The following LAMC3 variants were observed in gnomAD, a reference collection of about 807,000 sequenced individuals.
The protein encoded by LAMC3 is laminin subunit gamma 3, also known as laminin subunit gamma-3.
Under a neutral mutation model 173.8 loss-of-function variants are expected in LAMC3, and 128 were observed. The observed-to-expected ratio is 0.74, with a 90% CI of 0.64 to 0.85. The LOEUF (loss-of-function observed/expected upper bound fraction) is 0.85, where lower values mean the gene tolerates loss of function less well. Among genes scored for constraint, LAMC3 ranks in the 40% least tolerant of loss-of-function variants. The probability of loss-of-function intolerance (pLI) is 0.00; values close to 1 mark genes in which losing one functional copy is unlikely to be tolerated. For synonymous variants in LAMC3, 897 were observed against 909.1 expected, an observed-to-expected ratio of 0.99 and a Z score of 0.24; for missense variants, 2,022 against 2,156.0, an observed-to-expected ratio of 0.94 and a Z score of 1.23.
intron 1 of LAMC3, among the ~76,000 whole-genome samples, chr9:131,014,594 T>C (rs757047850): frequency 4.6e-5 from 7 of 152,240 alleles, no homozygotes; most frequent in African/African-American, 1.2e-4. Flanking sequence ...TTTTCACACC[T>C]GTGCCCCAGT....
chr9:131,048,466 C>T (rs1453282120), intron 8 of LAMC3, among the ~76,000 whole-genome samples: 1 of 152,176 alleles, frequency 6.6e-6, no homozygotes, highest in African/African-American at 2.4e-5. Flanking sequence ...TTGGCTGCCC[C>T]AGGTATTTGG....
At chr9:131,071,210 C>G (rs1830030590) in intron 17 of LAMC3, among the ~76,000 whole-genome samples, 1 of 152,192 alleles carries the variant, frequency 6.6e-6, no homozygotes, top group African/African-American at 2.4e-5. Context: ...TGGGGCATCC[C>G]TCCCCATCCC....
intron 12 of LAMC3, among the ~76,000 whole-genome samples, chr9:131,058,996 A>C (rs1829749592): frequency 6.7e-6 from 1 of 149,172 alleles, no homozygotes; most frequent in Non-Finnish European, 1.5e-5. Context: ...TTGGGGGTTC[A>C]AGACCAGCGT....
rs1833379987 is a variant in LAMC3, at chr9:131,009,826, G to C, written c.373+239G>C. Among the ~76,000 whole-genome samples, 1 of 151,998 alleles carries C rather than the reference G, an allele frequency of 6.6e-6. No homozygotes were observed. The highest frequency in any genetic ancestry group is 2.1e-4 in the South Asian group (1 of 4,816). On this transcript the variant is annotated intron_variant, in intron 1 of 27. Coordinates refer to ENST00000361069, the MANE Select transcript of LAMC3 (RefSeq NM_006059.4). This position sits in a 1 kb window ranked among gnomAD's most constrained non-coding sequence, Gnocchi z 4.3. ...GAGCCCAGGAGTTCAAGATCAGCCT[G>C]GGCAACGTAGTGAGATCCCATCTTT... is the stretch of plus-strand genomic sequence containing the variant.
At chr9:131,036,950 C>A (rs1218889144) in intron 4 of LAMC3, among the ~76,000 whole-genome samples, 2 of 152,268 alleles carry the variant, frequency 1.3e-5, no homozygotes, top group Non-Finnish European at 2.9e-5. Context: ...GGCCAGATCC[C>A]AGCTGGTGCT....
intron 12 of LAMC3, among the ~76,000 whole-genome samples, chr9:131,059,360 C>T (rs1306964226): frequency 1.7e-4 from 25 of 146,902 alleles, no homozygotes; most frequent in Non-Finnish European, 2.5e-4. Context: ...GGCGTGGTGG[C>T]GGGTGCCTGT....
chr9:131,077,360 G>A lies in LAMC3; in HGVS notation c.3777+26G>A, dbSNP rs200075046. On this transcript the variant is annotated intron_variant, in intron 22 of 27. Coordinates refer to ENST00000361069, the MANE Select transcript of LAMC3 (RefSeq NM_006059.4). Reference sequence around the variant, plus strand: ...GTCAGCTCAGTTGTCTCAGAGCTCCGTGTGGGGTCGGGAGGATCTATTATA... The same window carrying A: ...GTCAGCTCAGTTGTCTCAGAGCTCCATGTGGGGTCGGGAGGATCTATTATA... The A allele has an allele frequency of 5.3e-5, 86 of 1,612,326 alleles. No homozygotes were observed. The East Asian group carries it at 6.9e-4, about 13-fold the overall frequency.
Position 131,061,155 on chromosome 9 carries a change from AGTCGG to A in LAMC3, c.2280_2284del (p.Gln760HisfsTer26). 1.2e-6 allele frequency: 2 copies of A among 1,613,048 alleles called. No homozygotes were observed. The highest frequency in any genetic ancestry group is 1.7e-6 in the Non-Finnish European group (2 of 1,179,946). ...TGCCAGCCCTGTCCCTGCCCTGGCC[AGTCGG>A]CCTGTACGACCATCCCAGAGAGCCG... On this transcript the variant is annotated frameshift_variant, in exon 13 of 28. Transcript: ENST00000361069. LOFTEE classifies it high-confidence loss of function.
intron 13 of LAMC3, among the ~76,000 whole-genome samples, chr9:131,063,238 C>A (rs191377222): frequency 2.2e-4 from 34 of 152,310 alleles, no homozygotes; most frequent in African/African-American, 7.2e-4. Flanking sequence ...ACTGCGGGAC[C>A]CTGCACCCCA....
chr9:131,060,412 G>T (rs1829783295), intron 12 of LAMC3, among the ~76,000 whole-genome samples: 1 of 152,190 alleles, frequency 6.6e-6, no homozygotes, highest in African/African-American at 2.4e-5. Context: ...GGAAGGCTGA[G>T]GCGGGCAAAT....
chr9:131,064,362 A>G (rs942581247), intron 13 of LAMC3, among the ~76,000 whole-genome samples: 2 of 152,240 alleles, frequency 1.3e-5, no homozygotes, highest in African/African-American at 4.8e-5. Context: ...AAATAAATGA[A>G]AATAGAAATA....
chr9:131,043,524 C>T (rs116656522), intron 7 of LAMC3, among the ~76,000 whole-genome samples: 241 of 152,226 alleles, frequency 1.6e-3, no homozygotes, highest in African/African-American at 5.0e-3. Context: ...CAGGAGCCGA[C>T]GTGAAAGAGC....
chr9:131,032,220 A>G, intron 3 of LAMC3, 45 bp downstream of exon 3: 1 of 787,102 alleles, frequency 1.3e-6, no homozygotes, highest in Non-Finnish European at 2.0e-6. Flanking sequence ...CCAGGACCCA[A>G]ACCCGAGAGC....
At chr9:131,069,202 G>C in intron 16 of LAMC3, 152 bp downstream of exon 16, 4 of 897,824 alleles carry the variant, frequency 4.5e-6, no homozygotes, top group Non-Finnish European at 6.9e-6. Flanking sequence ...GGAGCGAGTT[G>C]CTCCCGTGGC....
chr9:131,066,889 C>T, intron 13 of LAMC3, 71 bp from the exon 14 acceptor site: 1 of 1,590,070 alleles, frequency 6.3e-7, no homozygotes, highest in Non-Finnish European at 8.6e-7. Context: ...GCTTGCTCTG[C>T]TTCACACCCA....
Position 131,056,667 on chromosome 9 carries a change from C to A in LAMC3, c.1940-262C>A, listed in dbSNP as rs572828042. Among the ~76,000 whole-genome samples, 46 of 152,182 alleles carry A rather than the reference C, an allele frequency of 3.0e-4. 1 individual carries two copies. The South Asian group carries it at 8.1e-3, about 27-fold the overall frequency. ...AAAATTAGCTGGGCTTGGTGTCTTG[C>A]CTGTAGTCGCAGCTACTTGGGAGGG... On this transcript the variant is annotated intron_variant, in intron 11 of 27. Coordinates refer to ENST00000361069, the MANE Select transcript of LAMC3 (RefSeq NM_006059.4).
At position 131,015,327 on chromosome 9, in the gene LAMC3, G is replaced by C. The variant is rs1234594792; in HGVS notation, c.373+5740G>C. ...CCACGGTGTTCACAGCAGTGCCGCC[G>C]TCCTCCCAGCCCAACCCTGCCCTGC... On this transcript the variant is annotated intron_variant, in intron 1 of 27. Coordinates refer to ENST00000361069, the MANE Select transcript of LAMC3 (RefSeq NM_006059.4). Among the ~76,000 whole-genome samples the C allele has an allele frequency of 3.9e-5, 6 of 152,192 alleles. No homozygotes were observed. The East Asian group carries it at 1.2e-3, about 29-fold the overall frequency.
chr9:131,078,841 C>T (rs1030867972), intron 22 of LAMC3, among the ~76,000 whole-genome samples: 3 of 152,216 alleles, frequency 2.0e-5, no homozygotes, highest in African/African-American at 7.2e-5. Flanking sequence ...CAAGGCCACG[C>T]AGCTAGAAAT....
chr9:131,032,251 TG>T, intron 3 of LAMC3, 76 bp downstream of exon 3: 6 of 121,448 alleles, frequency 4.9e-5, no homozygotes, highest in Middle Eastern at 1.8e-3. Flanking sequence ...TGCTGTGGGG[TG>T]GGGGGTGGGG....
Sources: allele counts gnomAD v4.1 joint callset (sites outside exome capture counted in the v4.1 genomes callset), GRCh38; gene constraint gnomAD v4.1.1; non-coding constraint Gnocchi (gnomAD v3.1); transcripts MANE v1.5; gene names NCBI Gene and HGNC (gene_info 2026-07-23, HGNC 2026-07-21).